The following EYS variants were observed in gnomAD, a reference collection of about 807,000 sequenced individuals.
EYS encodes the protein EGF-like photoreceptor maintenance factor.
In EYS, 250 loss-of-function variants were observed where a neutral mutation model predicts 282.1. The ratio of observed to expected loss-of-function variants is 0.89; its 90% confidence interval spans 0.80 to 0.98. EYS has a LOEUF of 0.98. EYS is among the 50% of genes least tolerant of loss of function. EYS has a pLI of 0.00. For synonymous variants in EYS, 1,355 were observed against 1,282.9 expected, an observed-to-expected ratio of 1.06 and a Z score of -1.20; for missense variants, 4,016 against 3,709.0, an observed-to-expected ratio of 1.08 and a Z score of -2.15.
intron 10 of EYS, among the ~76,000 whole-genome samples, chr6:65,341,830 C>T (rs761733589): frequency 1.1e-4 from 16 of 151,136 alleles, no homozygotes; most frequent in Non-Finnish European, 2.4e-4. Flanking sequence ...TTCACTTTTT[C>T]TCCTTTTCTG....
rs373673289 is a variant in EYS, at chr6:65,526,755, C to G, written c.-332-30762G>C. 3.0e-3 allele frequency among the ~76,000 whole-genome samples: 458 copies of G among 152,076 alleles called. 2 individuals carry two copies. The highest frequency in any genetic ancestry group is 0.01 in the African/African-American group (429 of 41,450). ...CGGAAGGCGAAGCTTGCAGTGAGCCCAGATCGCGCCACTGCACTCCAGCCT... is the reference window on the plus strand; with the variant it reads ...CGGAAGGCGAAGCTTGCAGTGAGCCGAGATCGCGCCACTGCACTCCAGCCT... On this transcript the variant is annotated intron_variant, in intron 2 of 42. Coordinates refer to ENST00000503581, the MANE Select transcript of EYS (RefSeq NM_001142800.2).
intron 22 of EYS, among the ~76,000 whole-genome samples, chr6:64,707,208 A>G (rs1164966084): frequency 7.2e-5 from 11 of 152,154 alleles, no homozygotes; most frequent in Admixed American, 7.2e-4. Context: ...TCTGAATAGA[A>G]TTGAAGACCA....
At chr6:64,179,298 T>C (rs1387675757) in intron 31 of EYS, among the ~76,000 whole-genome samples, 3 of 152,022 alleles carry the variant, frequency 2.0e-5, no homozygotes, top group Admixed American at 6.6e-5. Flanking sequence ...TAAAACTACC[T>C]TGGGCTAATT....
chr6:64,329,901 A>G (rs1417755463), intron 29 of EYS, among the ~76,000 whole-genome samples: 1 of 152,266 alleles, frequency 6.6e-6, no homozygotes, highest in African/African-American at 2.4e-5. Context: ...ATGCTTATAC[A>G]TAAAGGATGC....
intron 2 of EYS, among the ~76,000 whole-genome samples, chr6:65,590,939 A>G (rs1354555775): frequency 2.0e-5 from 3 of 151,960 alleles, no homozygotes; most frequent in Non-Finnish European, 4.4e-5. Context: ...AATAAACATA[A>G]GAGTTCAGAT....
intron 35 of EYS, among the ~76,000 whole-genome samples, chr6:63,938,229 G>C (rs140690387): frequency 1.3e-5 from 2 of 152,212 alleles, no homozygotes; most frequent in African/African-American, 4.8e-5. Flanking sequence ...AGAGTTGCTG[G>C]TCTCGTATGG....
At chr6:63,799,019 AT>A (rs1364618978) in intron 37 of EYS, among the ~76,000 whole-genome samples, 4 of 135,642 alleles carry the variant, frequency 2.9e-5, no homozygotes, top group Non-Finnish European at 4.7e-5. Context: ...ATATATATAT[AT>A]AATTTTTTTT....
At chr6:64,077,590 T>A (rs995083611) in intron 32 of EYS, among the ~76,000 whole-genome samples, 3 of 152,006 alleles carry the variant, frequency 2.0e-5, no homozygotes, top group Non-Finnish European at 4.4e-5. Flanking sequence ...AATCCTCTCC[T>A]CCCACTGGAG....
At chr6:64,626,432 A>G (rs1373376962) in intron 22 of EYS, among the ~76,000 whole-genome samples, 187 bp from the exon 23 acceptor site, 1 of 152,088 alleles carries the variant, frequency 6.6e-6, no homozygotes, top group Non-Finnish European at 1.5e-5. Flanking sequence ...CTTAACACTA[A>G]ATATCTGTGA....
chr6:64,440,144 T>C (rs1043744753), intron 26 of EYS, among the ~76,000 whole-genome samples: 3 of 151,902 alleles, frequency 2.0e-5, no homozygotes, highest in Non-Finnish European at 4.4e-5. Context: ...TTTTAAAACT[T>C]TCGAATTATG....
At chr6:65,625,570 C>T (rs1766660886) in intron 2 of EYS, among the ~76,000 whole-genome samples, 2 of 152,166 alleles carry the variant, frequency 1.3e-5, no homozygotes, top group African/African-American at 4.8e-5. Flanking sequence ...AATATAATAC[C>T]GCATATTTTA....
intron 36 of EYS, chr6:63,822,429 T>G (rs892178730): frequency 6.6e-6 from 1 of 152,190 alleles, no homozygotes; most frequent in African/African-American, 2.4e-5. Context: ...AGCATGAAAT[T>G]TAATGCAGAT....
chr6:65,468,747 G>T (rs1484610753), intron 5 of EYS, among the ~76,000 whole-genome samples: 4 of 152,008 alleles, frequency 2.6e-5, no homozygotes, highest in Non-Finnish European at 5.9e-5. Context: ...AATAGAAGGA[G>T]AATTCTGAGA....
At chr6:64,389,803 A>G (rs908043719) in intron 28 of EYS, among the ~76,000 whole-genome samples, 18 of 152,158 alleles carry the variant, frequency 1.2e-4, no homozygotes, top group Non-Finnish European at 4.4e-5. Context: ...TCCGGTCTAC[A>G]GCTCCCAGCG....
intron 13 of EYS, among the ~76,000 whole-genome samples, chr6:65,019,834 G>A (rs1301260219): frequency 2.0e-5 from 3 of 152,124 alleles, no homozygotes; most frequent in Admixed American, 6.5e-5. Flanking sequence ...ACAGTTCAAC[G>A]TGGCTGGGGA....
rs189019879 is a variant in EYS at position 64,151,509 on chromosome 6, C to T, written c.6425-69507G>A. Among the ~76,000 whole-genome samples, 433 of 150,702 alleles carry T rather than the reference C, an allele frequency of 2.9e-3. 2 individuals are homozygous for T. Among genetic ancestry groups the T allele is most frequent in the African/African-American group, 1.0e-2 (410 of 41,060 alleles). On this transcript the variant is annotated intron_variant, in intron 31 of 42. Coordinates refer to ENST00000503581, the MANE Select transcript of EYS (RefSeq NM_001142800.2). ...CCTAGTAGCTGGGACTACAGGCTTG[C>T]GCCACCAATGACAAGTTAATTTTTG...
chr6:64,199,950 G>A (rs1761715011), intron 31 of EYS, among the ~76,000 whole-genome samples: 1 of 152,042 alleles, frequency 6.6e-6, no homozygotes, highest in Admixed American at 6.6e-5. Context: ...TAGGTGAATG[G>A]GTAAACAAAC....
At chr6:65,688,716 T>G (rs1263067051) in intron 1 of EYS, among the ~76,000 whole-genome samples, 2 of 152,036 alleles carry the variant, frequency 1.3e-5, no homozygotes, top group Non-Finnish European at 2.9e-5. Flanking sequence ...GGGCAAAGGA[T>G]ATGAACAGAC....
chr6:64,441,449 T>G (rs1457206514), intron 26 of EYS, among the ~76,000 whole-genome samples: 2 of 152,128 alleles, frequency 1.3e-5, no homozygotes, highest in Non-Finnish European at 2.9e-5. Context: ...TGAAGAGTTG[T>G]AACAGGAGAT....
Sources: allele counts gnomAD v4.1 joint callset (sites outside exome capture counted in the v4.1 genomes callset), GRCh38; gene constraint gnomAD v4.1.1; transcripts MANE v1.5; gene names NCBI Gene and HGNC (gene_info 2026-07-23, HGNC 2026-07-21).